Variants in SPATA31G1 observed in about 807,000 individuals in gnomAD.
The protein encoded by SPATA31G1 is spermatogenesis-associated protein 31G1.
the SPATA31G1 span, chr9:35,045,407 T>G: frequency 6.2e-7 from 1 of 1,614,084 alleles, no homozygotes; most frequent in Non-Finnish European, 8.5e-7. Context: ...ACTCTAAGGT[T>G]CTGGTCTCAG....
chr9:35,045,179 T>A, the SPATA31G1 span: 1 of 1,613,998 alleles, frequency 6.2e-7, no homozygotes, highest in Non-Finnish European at 8.5e-7. Context: ...CTCAAGAAGT[T>A]CAGCGCACAG....
chr9:35,043,521 G>A, the SPATA31G1 span: 1 of 1,614,168 alleles, frequency 6.2e-7, no homozygotes, highest in East Asian at 2.2e-5. Context: ...CCACAAGGGA[G>A]TTTTATCTGG....
the SPATA31G1 span, chr9:35,044,268 G>A: frequency 1.9e-6 from 3 of 1,614,218 alleles, no homozygotes; most frequent in South Asian, 3.3e-5. Context: ...GAAGGATACT[G>A]AGCATTCCAG....
the SPATA31G1 span, chr9:35,042,399 G>T: frequency 6.2e-7 from 1 of 1,614,216 alleles, no homozygotes; most frequent in East Asian, 2.2e-5. Flanking sequence ...ATTCTTATTC[G>T]TGGTTTGGCA....
chr9:35,044,555 T>G, the SPATA31G1 span: 1 of 1,614,102 alleles, frequency 6.2e-7, no homozygotes, highest in South Asian at 1.1e-5. Flanking sequence ...TGTTCCCAGG[T>G]AGGGGCTCCA....
At chr9:35,042,632 GT>G in the SPATA31G1 span, 1 of 1,321,818 alleles carries the variant, frequency 7.6e-7, no homozygotes, top group Non-Finnish European at 1.0e-6. Flanking sequence ...TTGAAGCCAG[GT>G]GAGTGACCAT....
chr9:35,042,653 A>T, the SPATA31G1 span: 3 of 1,212,850 alleles, frequency 2.5e-6, no homozygotes, highest in Non-Finnish European at 3.5e-6. Context: ...TGGATTCTAG[A>T]TGTAGAATGA....
the SPATA31G1 span, chr9:35,042,274 A>G: frequency 1.9e-6 from 3 of 1,614,050 alleles, no homozygotes; most frequent in African/African-American, 4.0e-5. Context: ...CTGCTGGAGG[A>G]CCTGCTTGGG....
chr9:35,045,011 G>C, the SPATA31G1 span: 19 of 1,614,110 alleles, frequency 1.2e-5, no homozygotes, highest in African/African-American at 1.3e-4. Context: ...TGAAGAAACT[G>C]CGGCAGAGCC....
chr9:35,042,333 G>T, the SPATA31G1 span: 1 of 1,614,258 alleles, frequency 6.2e-7, no homozygotes, highest in East Asian at 2.2e-5. Flanking sequence ...CCATGCCCTA[G>T]CCTGCAGACA....
the SPATA31G1 span, chr9:35,043,566 CCCCTGGAAGTTCT>C: frequency 3.7e-6 from 6 of 1,614,176 alleles, no homozygotes; most frequent in Non-Finnish European, 5.1e-6. Flanking sequence ...TGGAACTAGC[CCCCTGGAAGTTCT>C]CCCTGGATAT....
At chr9:35,044,205 G>A in the SPATA31G1 span, 1 of 1,614,130 alleles carries the variant, frequency 6.2e-7, no homozygotes, top group South Asian at 1.1e-5. Flanking sequence ...CACCCTTATG[G>A]AACCACACAG....
chr9:35,044,689 C>A, the SPATA31G1 span: 5 of 1,614,082 alleles, frequency 3.1e-6, no homozygotes, highest in Middle Eastern at 3.3e-4. Flanking sequence ...GAGCTCCCAG[C>A]CCCCAGCTCA....
At chr9:35,043,901 G>A in the SPATA31G1 span, 1 of 1,614,012 alleles carries the variant, frequency 6.2e-7, no homozygotes, top group South Asian at 1.1e-5. Context: ...GAAACCTCTG[G>A]GCTTTTGAGT....
At chr9:35,044,200 T>A in the SPATA31G1 span, 5 of 1,614,046 alleles carry the variant, frequency 3.1e-6, no homozygotes, top group South Asian at 5.5e-5. Flanking sequence ...CCAACCACCC[T>A]TATGGAACCA....
chr9:35,045,774 C>T, the SPATA31G1 span: 1 of 1,614,218 alleles, frequency 6.2e-7, no homozygotes, highest in Non-Finnish European at 8.5e-7. Context: ...TCTCTCCTTC[C>T]CTACCCTCAA....
the SPATA31G1 span, chr9:35,043,650 C>T: frequency 6.2e-7 from 1 of 1,614,166 alleles, no homozygotes; most frequent in Non-Finnish European, 8.5e-7. Context: ...GCCTCCGATG[C>T]CACCCCCCTG....
At chr9:35,043,642 C>T in the SPATA31G1 span, 78 of 1,614,210 alleles carry the variant, frequency 4.8e-5, no homozygotes, top group East Asian at 1.6e-3. Flanking sequence ...GCTTTTGAGC[C>T]TCCGATGCCA....
the SPATA31G1 span, chr9:35,042,529 A>C: frequency 6.2e-7 from 1 of 1,612,850 alleles, no homozygotes; most frequent in Non-Finnish European, 8.5e-7. Context: ...GACTGCTGAC[A>C]CCACATGTGA....
Sources: gnomAD v4.1 joint callset for allele counts on GRCh38, gnomAD v4.1.1 for gene constraint, MANE v1.5 for transcripts, NCBI Gene and HGNC (gene_info 2026-07-23, HGNC 2026-07-21) for gene names.